Variants in LUZP2 observed in about 807,000 individuals in gnomAD.
LUZP2 encodes the protein leucine zipper protein 2.
LUZP2 carries 52 observed loss-of-function variants against 51.6 expected under a neutral mutation model. The observed-to-expected ratio is 1.01, with a 90% CI of 0.81 to 1.27. The LOEUF is 1.27. LUZP2 is among the 50% of genes most tolerant of loss of function. The probability of loss-of-function intolerance (pLI) is 0.00; values close to 1 mark genes in which losing one functional copy is unlikely to be tolerated. For synonymous variants in LUZP2, 154 were observed against 137.3 expected (o/e 1.12, Z -0.85); for missense variants, 436 against 395.4 (o/e 1.10, Z -0.87).
chr11:24,563,159 C>T (rs1323971289), intron 1 of LUZP2, among the ~76,000 whole-genome samples: 1 of 152,120 alleles, frequency 6.6e-6, no homozygotes, highest in Non-Finnish European at 1.5e-5. Context: ...AAGCTACGAA[C>T]AAGAATGGGT....
At position 25,029,911 on chromosome 11, in the gene LUZP2, T is replaced by C. The variant is rs543652461; in HGVS notation, c.766-20127T>C. ...TATAAACAATTGCCATGTCAATAGA[T>C]ATATTTTGTAACTACCAAGTAATTA... On this transcript the variant is annotated intron_variant, in intron 9 of 11. Coordinates refer to ENST00000336930, the MANE Select transcript of LUZP2 (RefSeq NM_001009909.4). Among the ~76,000 whole-genome samples, 10 of 141,704 alleles carry C rather than the reference T, an allele frequency of 7.1e-5. No homozygotes were observed. The East Asian group carries it at 1.9e-3, about 28-fold the overall frequency. The allele number at this position is 141,704 out of a possible 152,430, so 93.0% of individuals were successfully genotyped here.
At chr11:24,926,379 GTATATATATACGTGTGTA>G (rs1269637157) in intron 7 of LUZP2, among the ~76,000 whole-genome samples, 15 of 8,038 alleles carry the variant, frequency 1.9e-3, no homozygotes, top group East Asian at 0.019. Context: ...ATATACGTGT[GTATATATATACGTGTGTA>G]TATATATATA....
intron 5 of LUZP2, among the ~76,000 whole-genome samples, chr11:24,822,145 A>C (rs749201261): frequency 2.6e-5 from 4 of 152,092 alleles, no homozygotes; most frequent in Non-Finnish European, 4.4e-5. Flanking sequence ...GTGAATCTTC[A>C]GTGGACAATA....
At chr11:24,848,306 T>G (rs147966065) in intron 5 of LUZP2, among the ~76,000 whole-genome samples, 40 of 152,318 alleles carry the variant, frequency 2.6e-4, no homozygotes, top group Admixed American at 4.6e-4. Context: ...CTTTTCACAT[T>G]TATAGATCCC....
intron 1 of LUZP2, among the ~76,000 whole-genome samples, chr11:24,692,420 G>C (rs545972844): frequency 1.3e-4 from 19 of 151,904 alleles, no homozygotes; most frequent in African/African-American, 3.6e-4. Context: ...AAGAATATAC[G>C]GTCTTTTTTA....
chr11:24,867,744 C>T (rs1851942393), intron 5 of LUZP2, among the ~76,000 whole-genome samples: 1 of 152,144 alleles, frequency 6.6e-6, no homozygotes, highest in African/African-American at 2.4e-5. Flanking sequence ...AAGTTGTTTT[C>T]ACACTTACAC....
At chr11:24,644,418 C>A (rs1182230411) in intron 1 of LUZP2, among the ~76,000 whole-genome samples, 9 of 152,082 alleles carry the variant, frequency 5.9e-5, no homozygotes, top group Non-Finnish European at 1.0e-4. Context: ...AGAGGACATC[C>A]TCATCTGCTT....
At chr11:24,575,576 T>A (rs923524899) in intron 1 of LUZP2, among the ~76,000 whole-genome samples, 1 of 152,170 alleles carries the variant, frequency 6.6e-6, no homozygotes. Context: ...TTGCTATGTG[T>A]TTTTTTCTTT....
intron 1 of LUZP2, among the ~76,000 whole-genome samples, chr11:24,533,789 C>T (rs1564974356): frequency 6.8e-6 from 1 of 147,034 alleles, no homozygotes; most frequent in Non-Finnish European, 1.5e-5. Flanking sequence ...TTGCCTCGTT[C>T]TCCATGTGCA....
chr11:24,505,858 G>A (rs1376693831), intron 1 of LUZP2, among the ~76,000 whole-genome samples: 1 of 151,978 alleles, frequency 6.6e-6, no homozygotes, highest in African/African-American at 2.4e-5. Context: ...ACCTGACCTC[G>A]TTTCTATCTG....
chr11:24,946,665 C>A (rs947634137), intron 7 of LUZP2, among the ~76,000 whole-genome samples: 1 of 151,606 alleles, frequency 6.6e-6, no homozygotes, highest in African/African-American at 2.4e-5. Flanking sequence ...ATATCATGAC[C>A]ACGTATGTTA....
intron 7 of LUZP2, among the ~76,000 whole-genome samples, chr11:24,950,788 G>C: frequency 6.6e-6 from 1 of 151,456 alleles, no homozygotes; most frequent in Non-Finnish European, 1.5e-5. Context: ...TTGACATAGT[G>C]AAATATTTTA....
chr11:24,790,263 A>T (rs1849371109), intron 5 of LUZP2, among the ~76,000 whole-genome samples: 1 of 152,120 alleles, frequency 6.6e-6, no homozygotes, highest in Non-Finnish European at 1.5e-5. Context: ...TCATATTTGC[A>T]TTGAATGTGA....
At chr11:24,887,287 A>G (rs1480011988) in intron 5 of LUZP2, among the ~76,000 whole-genome samples, 3 of 152,182 alleles carry the variant, frequency 2.0e-5, no homozygotes, top group Non-Finnish European at 4.4e-5. Context: ...TTCTACTTAC[A>G]TATCCTTGGC....
chr11:25,028,098 A>G (rs1857548622), intron 9 of LUZP2, among the ~76,000 whole-genome samples: 1 of 152,074 alleles, frequency 6.6e-6, no homozygotes, highest in Non-Finnish European at 1.5e-5. Flanking sequence ...AGGTGTGTAT[A>G]CTTATAGGTT....
intron 5 of LUZP2, among the ~76,000 whole-genome samples, chr11:24,783,761 T>C (rs1467386499): frequency 2.6e-5 from 4 of 151,944 alleles, no homozygotes; most frequent in Admixed American, 6.6e-5. Flanking sequence ...CTGCAATGCA[T>C]TTCTCTGTTG....
At chr11:24,680,424 A>G (rs1022534703) in intron 1 of LUZP2, among the ~76,000 whole-genome samples, 2 of 152,192 alleles carry the variant, frequency 1.3e-5, no homozygotes, top group Non-Finnish European at 2.9e-5. Context: ...CCTCAGTGGG[A>G]AGGCTTTGTC....
rs535808325 is a variant in LUZP2, at chr11:24,561,762, G to C, written c.62+64457G>C. ...GGTGCAGCAAACCACCATGGCACAT[G>C]TATACCTATGTAACAAACCAGCACG... On this transcript the variant is annotated intron_variant, in intron 1 of 11. Transcript: ENST00000336930. Among the ~76,000 whole-genome samples the C allele has an allele frequency of 7.9e-5, 12 of 151,574 alleles. No homozygotes were observed. The South Asian group carries it at 1.9e-3, about 24-fold the overall frequency.
intron 1 of LUZP2, among the ~76,000 whole-genome samples, chr11:24,548,753 G>C (rs899895528): frequency 6.6e-6 from 1 of 151,842 alleles, no homozygotes. Context: ...ATAACATGAA[G>C]GGAGAAGTTT....
Sources: gnomAD v4.1 joint callset for allele counts (sites outside exome capture counted in the v4.1 genomes callset) on GRCh38, gnomAD v4.1.1 for gene constraint, MANE v1.5 for transcripts, NCBI Gene and HGNC (gene_info 2026-07-23, HGNC 2026-07-21) for gene names.